The following TBC1D19 variants were observed in gnomAD, a reference collection of about 807,000 sequenced individuals.
TBC1D19 encodes the protein TBC1 domain family member 19.
In TBC1D19, 60 loss-of-function variants were observed where a neutral mutation model predicts 89.0. The observed-to-expected ratio is 0.67, with a 90% CI of 0.55 to 0.84. TBC1D19 has a LOEUF of 0.84. Among genes scored for constraint, TBC1D19 ranks in the 40% least tolerant of loss-of-function variants. TBC1D19 has a pLI of 0.00. For synonymous variants in TBC1D19, 189 were observed against 199.7 expected, an observed-to-expected ratio of 0.95 and a Z score of 0.45; for missense variants, 500 against 610.8, an observed-to-expected ratio of 0.82 and a Z score of 1.91.
At chr4:26,797,783 A>G in the TBC1D19 span, among the ~76,000 whole-genome samples, 1 of 152,308 alleles carries the variant, frequency 6.6e-6, no homozygotes, top group African/African-American at 2.4e-5. Context: ...CAACAAAAAT[A>G]AACAACAGAG....
Position 26,584,134 on chromosome 4 carries a change from A to G in TBC1D19, c.-60A>G. ...TCACTGGCCCTGAGTGGGACCCGGT[A>G]GCCCGTTCGCTCCGCGCCGGCGGCC... On this transcript the variant is annotated 5_prime_UTR_variant, in exon 1 of 21. Transcript: ENST00000264866. The G allele has an allele frequency of 2.6e-6, 4 of 1,540,506 alleles. No homozygotes were observed. The highest frequency in any genetic ancestry group is 3.5e-6 in the Non-Finnish European group (4 of 1,129,332).
the TBC1D19 span, among the ~76,000 whole-genome samples, chr4:26,798,962 G>T: frequency 6.6e-6 from 1 of 152,034 alleles, no homozygotes; most frequent in African/African-American, 2.4e-5. Context: ...TACACTAGAA[G>T]CCCAATTCCT....
intron 15 of TBC1D19, among the ~76,000 whole-genome samples, chr4:26,720,690 T>A (rs912059750): frequency 6.6e-6 from 1 of 152,068 alleles, no homozygotes; most frequent in Non-Finnish European, 1.5e-5. Flanking sequence ...GTCCTTATGA[T>A]AATATTAAGT....
At chr4:26,707,812 T>C (rs1241750668) in intron 13 of TBC1D19, among the ~76,000 whole-genome samples, 1 of 152,044 alleles carries the variant, frequency 6.6e-6, no homozygotes, top group Non-Finnish European at 1.5e-5. Flanking sequence ...TTTAGTAACA[T>C]ACAAAATTTG....
chr4:26,618,338 CT>C (rs1216787451), intron 3 of TBC1D19, among the ~76,000 whole-genome samples: 6 of 152,080 alleles, frequency 3.9e-5, no homozygotes, highest in Admixed American at 2.0e-4. Context: ...AATATCCAGG[CT>C]GAGATCAGAA....
At chr4:26,852,622 G>A in the TBC1D19 span, among the ~76,000 whole-genome samples, 3 of 149,580 alleles carry the variant, frequency 2.0e-5, no homozygotes, top group Admixed American at 6.7e-5. Context: ...GTCCACCCCC[G>A]CCCCTTTTGT....
intron 1 of TBC1D19, among the ~76,000 whole-genome samples, chr4:26,610,636 T>C (rs553637817): frequency 2.8e-4 from 43 of 152,144 alleles, no homozygotes; most frequent in Middle Eastern, 3.4e-3. Flanking sequence ...TGGTGTCTAT[T>C]GTTCCCTTCT....
At chr4:26,580,354 T>C (rs2109920168), upstream of TBC1D19, among the ~76,000 whole-genome samples, 1 of 152,286 alleles carries the variant, frequency 6.6e-6, no homozygotes, top group Non-Finnish European at 1.5e-5. Flanking sequence ...AAAAGCACCC[T>C]GGACAGTGGC....
At chr4:26,588,618 C>T (rs900186718) in intron 1 of TBC1D19, among the ~76,000 whole-genome samples, 2 of 151,964 alleles carry the variant, frequency 1.3e-5, no homozygotes, top group Non-Finnish European at 2.9e-5. Flanking sequence ...GCCATTTTCA[C>T]CCAATTAAAA....
the TBC1D19 span, among the ~76,000 whole-genome samples, chr4:26,773,212 T>A: frequency 2.1e-3 from 327 of 152,320 alleles, no homozygotes; most frequent in Non-Finnish European, 3.5e-3. Context: ...TCTCTAATGA[T>A]CAGTAATATT....
chr4:26,614,484 T>C (rs1267047346), intron 3 of TBC1D19, 31 bp downstream of exon 3: 1 of 1,536,440 alleles, frequency 6.5e-7, no homozygotes, highest in South Asian at 1.3e-5. Context: ...TACAATAGTA[T>C]TTTGTTTAGC....
the TBC1D19 span, among the ~76,000 whole-genome samples, chr4:26,850,848 A>T: frequency 6.6e-6 from 1 of 152,164 alleles, no homozygotes; most frequent in Non-Finnish European, 1.5e-5. Flanking sequence ...GGACACCTAG[A>T]TAGCTGGCAA....
At chr4:26,737,142 C>G (rs976246141) in intron 16 of TBC1D19, among the ~76,000 whole-genome samples, 1 of 152,078 alleles carries the variant, frequency 6.6e-6, no homozygotes, top group Non-Finnish European at 1.5e-5. Flanking sequence ...ATAAAACTAT[C>G]GTTCAATGAA....
At chr4:26,673,947 C>A (rs761821665) in intron 11 of TBC1D19, 59 bp downstream of exon 11, 176 of 1,019,154 alleles carry the variant, frequency 1.7e-4, no homozygotes, top group Non-Finnish European at 2.3e-4. Flanking sequence ...TTTTCAAAGA[C>A]CAGTTATTCA....
chr4:26,705,964 A>G (rs1275077773), intron 13 of TBC1D19, among the ~76,000 whole-genome samples: 1 of 152,006 alleles, frequency 6.6e-6, no homozygotes, highest in Non-Finnish European at 1.5e-5. Flanking sequence ...GTGACTGTTC[A>G]CAGGCTTGAT....
At position 26,726,126 on chromosome 4, in the gene TBC1D19, A is replaced by AACAC. The variant is rs56262902; in HGVS notation, c.1084+6051_1084+6054dup. ...ATTCTCAACCAGTGGCAATTCTCCC[A>AACAC]ACACACACACACACACACACACACA... is the stretch of plus-strand genomic sequence containing the variant. On this transcript the variant is annotated intron_variant, in intron 15 of 20. Coordinates refer to ENST00000264866, the MANE Select transcript of TBC1D19 (RefSeq NM_018317.4). 3.1e-3 allele frequency among the ~76,000 whole-genome samples: 391 copies of AACAC among 127,174 alleles called. 4 individuals are homozygous for AACAC. The highest frequency in any genetic ancestry group is 4.0e-3 in the Non-Finnish European group (237 of 59,938). The allele number at this position is 127,174 out of a possible 152,430, so 83.4% of individuals were successfully genotyped here.
intron 1 of TBC1D19, 115 bp downstream of exon 1, chr4:26,584,407 T>C: frequency 1.1e-6 from 1 of 949,204 alleles, no homozygotes; most frequent in Non-Finnish European, 1.6e-6. Flanking sequence ...TCCGCTCTGG[T>C]GCTCAAAAAA....
At chr4:26,795,517 A>G in the TBC1D19 span, among the ~76,000 whole-genome samples, 1 of 152,164 alleles carries the variant, frequency 6.6e-6, no homozygotes, top group Admixed American at 6.5e-5. Flanking sequence ...CCTGGCTCAT[A>G]GCAGGTGCTC....
intron 15 of TBC1D19, among the ~76,000 whole-genome samples, 173 bp downstream of exon 15, chr4:26,720,298 A>G (rs1716894288): frequency 6.6e-6 from 1 of 152,142 alleles, no homozygotes; most frequent in African/African-American, 2.4e-5. Context: ...GGTTTGTGCT[A>G]AATTATGCAT....
Sources: gnomAD v4.1 joint callset for allele counts (sites outside exome capture counted in the v4.1 genomes callset) on GRCh38, gnomAD v4.1.1 for gene constraint, MANE v1.5 for transcripts, NCBI Gene and HGNC (gene_info 2026-07-23, HGNC 2026-07-21) for gene names.